Variants in FHIT observed in about 807,000 individuals in gnomAD.
FHIT encodes the protein fragile histidine triad diadenosine triphosphatase.
FHIT carries 19 observed loss-of-function variants against 17.9 expected under a neutral mutation model. The ratio of observed to expected loss-of-function variants is 1.06; its 90% CI spans 0.74 to 1.56. The LOEUF (loss-of-function observed/expected upper bound fraction) is 1.56, where lower values mean the gene tolerates loss of function less well. Ranked by LOEUF, FHIT falls within the 40% of genes most tolerant of loss-of-function variation. The pLI, the probability that FHIT is intolerant of heterozygous loss-of-function variation, is 0.00. For synonymous variants in FHIT, 81 were observed against 69.7 expected (o/e 1.16, Z -0.81); for missense variants, 248 against 189.2 (o/e 1.31, Z -1.82).
chr3:60,853,058 G>C (rs1553748882), intron 3 of FHIT, among the ~76,000 whole-genome samples: 1 of 151,924 alleles, frequency 6.6e-6, no homozygotes, highest in African/African-American at 2.4e-5. Flanking sequence ...TCAACACATG[G>C]TTTATTCAAA....
chr3:61,137,741 C>T (rs2036957852), intron 2 of FHIT, among the ~76,000 whole-genome samples: 1 of 152,112 alleles, frequency 6.6e-6, no homozygotes, highest in South Asian at 2.1e-4. Context: ...TTCTCAGAGC[C>T]CAAGGTTAGA....
At position 60,773,680 on chromosome 3, in the gene FHIT, A is replaced by G. The variant is rs1489834345; in HGVS notation, c.-18+48239T>C. The stretch of plus-strand genomic sequence containing the variant: ...AGTATCTTTGCTCTTCTAGCTTACA[A>G]GATAATCATCTGATTCCCTTTTGTT... On this transcript the variant is annotated intron_variant, in intron 4 of 9. Coordinates refer to ENST00000492590, the MANE Select transcript of FHIT (RefSeq NM_002012.4). Among the ~76,000 whole-genome samples, 4 of 152,380 alleles carry G rather than the reference A, an allele frequency of 2.6e-5. No homozygotes were observed. In the East Asian group the frequency reaches 7.7e-4, roughly 29 times the overall value.
chr3:60,910,771 T>C (rs1706702249), intron 3 of FHIT, among the ~76,000 whole-genome samples: 1 of 152,036 alleles, frequency 6.6e-6, no homozygotes, highest in Admixed American at 6.6e-5. Flanking sequence ...TAGAGAAGGC[T>C]CTCCAAACTG....
At chr3:60,569,755 A>ATATATATATATATTTTTT in intron 4 of FHIT, among the ~76,000 whole-genome samples, 46 of 77,334 alleles carry the variant, frequency 5.9e-4, no homozygotes, top group East Asian at 1.1e-3. Flanking sequence ...ATATATATAT[A>ATATATATATATATTTTTT]TTTTTTTTTT....
At chr3:60,371,179 T>A (rs1700311645) in intron 5 of FHIT, among the ~76,000 whole-genome samples, 1 of 152,348 alleles carries the variant, frequency 6.6e-6, no homozygotes, top group Admixed American at 6.5e-5. Flanking sequence ...CCATTTGTCC[T>A]CTATTAGACT....
intron 4 of FHIT, among the ~76,000 whole-genome samples, chr3:60,703,289 C>A (rs1553702694): frequency 1.3e-5 from 2 of 152,150 alleles, no homozygotes; most frequent in African/African-American, 4.8e-5. Context: ...GGCAGGATGT[C>A]CCTGCTGGTA....
intron 4 of FHIT, among the ~76,000 whole-genome samples, chr3:60,604,982 C>G (rs1196814165): frequency 6.6e-6 from 1 of 152,130 alleles, no homozygotes. Flanking sequence ...CATTCAGGCT[C>G]CCCTCTCTGT....
intron 4 of FHIT, among the ~76,000 whole-genome samples, chr3:60,545,864 CTCTT>C (rs1477794243): frequency 6.6e-5 from 1 of 15,128 alleles, no homozygotes; most frequent in Non-Finnish European, 1.1e-4. Context: ...ATCCAAATCT[CTCTT>C]TGTCTCATTG....
At chr3:60,273,702 A>C (rs1706980910) in intron 5 of FHIT, among the ~76,000 whole-genome samples, 1 of 152,200 alleles carries the variant, frequency 6.6e-6, no homozygotes, top group Admixed American at 6.5e-5. Flanking sequence ...AATGACAATA[A>C]ATAACCATTA....
At chr3:60,529,329 G>C (rs1210853453) in intron 5 of FHIT, among the ~76,000 whole-genome samples, 1 of 152,082 alleles carries the variant, frequency 6.6e-6, no homozygotes, top group African/African-American at 2.4e-5. Flanking sequence ...AAGACTATTA[G>C]GAGAGGAAAG....
chr3:61,098,633 G>A (rs1476578008), intron 2 of FHIT, among the ~76,000 whole-genome samples: 1 of 152,164 alleles, frequency 6.6e-6, no homozygotes, highest in East Asian at 1.9e-4. Flanking sequence ...TCTTTGAGCA[G>A]AATTTTGTAG....
chr3:60,856,588 C>T (rs1559774791), intron 3 of FHIT: 1 of 152,050 alleles, frequency 6.6e-6, no homozygotes, highest in Non-Finnish European at 1.5e-5. Flanking sequence ...CAGAAATGAC[C>T]CCTGGAAATA....
chr3:59,995,371 T>C (rs1186567710), intron 7 of FHIT, among the ~76,000 whole-genome samples: 1 of 152,070 alleles, frequency 6.6e-6, no homozygotes, highest in African/African-American at 2.4e-5. Context: ...CTCAAGTGTC[T>C]TAACTCTAAC....
chr3:59,783,912 C>G (rs1342643725), intron 8 of FHIT, among the ~76,000 whole-genome samples: 1 of 152,190 alleles, frequency 6.6e-6, no homozygotes, highest in Non-Finnish European at 1.5e-5. Context: ...TCACCTCTCC[C>G]TGGTTTGCAG....
chr3:60,850,704 T>C (rs1703121737), intron 3 of FHIT, among the ~76,000 whole-genome samples: 1 of 152,112 alleles, frequency 6.6e-6, no homozygotes, highest in East Asian at 1.9e-4. Flanking sequence ...ATGAATTCCT[T>C]TATAAAGCTC....
chr3:60,247,252 G>A (rs957994718), intron 5 of FHIT, among the ~76,000 whole-genome samples: 2 of 152,060 alleles, frequency 1.3e-5, no homozygotes, highest in African/African-American at 4.8e-5. Flanking sequence ...AGCTGGGTAT[G>A]GTGGTGTGCA....
At chr3:60,063,782 T>A (rs763834717) in intron 5 of FHIT, among the ~76,000 whole-genome samples, 7 of 152,168 alleles carry the variant, frequency 4.6e-5, no homozygotes, top group Non-Finnish European at 8.8e-5. Flanking sequence ...TGTGCAAGAA[T>A]GTCCTTTGTA....
chr3:60,618,735 C>T (rs1362518338), intron 4 of FHIT, among the ~76,000 whole-genome samples: 1 of 152,006 alleles, frequency 6.6e-6, no homozygotes, highest in African/African-American at 2.4e-5. Context: ...CTTGAGATGA[C>T]CTTGAATCAT....
chr3:60,829,433 C>T (rs1553741869), intron 3 of FHIT, among the ~76,000 whole-genome samples: 1 of 152,134 alleles, frequency 6.6e-6, no homozygotes, highest in East Asian at 1.9e-4. Context: ...CATGGGCCTA[C>T]CAACTTATAC....
Sources: gnomAD v4.1 joint callset for allele counts (sites outside exome capture counted in the v4.1 genomes callset) on GRCh38, gnomAD v4.1.1 for gene constraint, MANE v1.5 for transcripts, NCBI Gene and HGNC (gene_info 2026-07-23, HGNC 2026-07-21) for gene names.